Variants in VDAC1 observed in about 807,000 individuals in gnomAD.
VDAC1 encodes voltage dependent anion channel 1, also known as non-selective voltage-gated ion channel VDAC1.
A neutral mutation model predicts 34.7 loss-of-function variants in VDAC1; 10 were observed. The ratio of observed to expected loss-of-function variants is 0.29; its 90% confidence interval spans 0.18 to 0.49. The LOEUF (loss-of-function observed/expected upper bound fraction) is 0.49, where lower values mean the gene tolerates loss of function less well. VDAC1 is among the 20% of genes least tolerant of loss of function. The probability of loss-of-function intolerance (pLI) is 0.99; values close to 1 mark genes in which losing one functional copy is unlikely to be tolerated. For missense variants in VDAC1, 230 were observed against 347.9 expected (o/e 0.66, Z 2.69); for synonymous variants, 130 against 136.0 (o/e 0.96, Z 0.30).
At chr5:134,018,698 C>T in the VDAC1 span, among the ~76,000 whole-genome samples, 1 of 152,156 alleles carries the variant, frequency 6.6e-6, no homozygotes, top group Non-Finnish European at 1.5e-5. Flanking sequence ...AGGCTGGCCA[C>T]ACCAGATAAA....
At chr5:133,995,759 T>G (rs1482272072) in intron 1 of VDAC1, among the ~76,000 whole-genome samples, 1 of 152,180 alleles carries the variant, frequency 6.6e-6, no homozygotes, top group African/African-American at 2.4e-5. Context: ...TGCCCATTTT[T>G]ACACAGCTCT....
chr5:134,039,389 C>T, the VDAC1 span, among the ~76,000 whole-genome samples: 20 of 152,110 alleles, frequency 1.3e-4, no homozygotes, highest in South Asian at 2.1e-4. Context: ...AGTGCAGTGG[C>T]GCAATCTCGG....
chr5:134,055,593 T>TGTTTTTTTTTTGTTTTTG, the VDAC1 span, among the ~76,000 whole-genome samples: 15 of 34,008 alleles, frequency 4.4e-4, no homozygotes, highest in African/African-American at 1.2e-3. Context: ...CTAATGTTTT[T>TGTTTTTTTTTTGTTTTTG]TTTTTTTTTT....
At chr5:134,110,280 T>C in the VDAC1 span, among the ~76,000 whole-genome samples, 209 of 152,292 alleles carry the variant, frequency 1.4e-3, 1 homozygote, top group East Asian at 0.023. Flanking sequence ...CAATTCTTGG[T>C]TATTGTATGA....
At chr5:134,047,341 C>T in the VDAC1 span, among the ~76,000 whole-genome samples, 1 of 152,212 alleles carries the variant, frequency 6.6e-6, no homozygotes, top group Admixed American at 6.5e-5. Flanking sequence ...CACAGAGAGG[C>T]CACAGAGAGG....
At chr5:133,986,213 A>G (rs568625633) in intron 5 of VDAC1, among the ~76,000 whole-genome samples, 3 of 152,254 alleles carry the variant, frequency 2.0e-5, no homozygotes, top group Admixed American at 2.0e-4. Context: ...GCTGGTCCTT[A>G]TTGAGGTCTG....
the VDAC1 span, among the ~76,000 whole-genome samples, chr5:134,019,542 T>G: frequency 6.6e-6 from 1 of 152,166 alleles, no homozygotes; most frequent in Non-Finnish European, 1.5e-5. Flanking sequence ...ATCGTACCAC[T>G]GTGATGCAGC....
the VDAC1 span, among the ~76,000 whole-genome samples, chr5:134,103,848 C>T: frequency 1.3e-5 from 2 of 152,204 alleles, no homozygotes; most frequent in East Asian, 1.9e-4. Flanking sequence ...TCTGTCCCTC[C>T]CCAGTTTGAG....
chr5:134,032,955 C>A, the VDAC1 span, among the ~76,000 whole-genome samples: 1 of 151,682 alleles, frequency 6.6e-6, no homozygotes, highest in African/African-American at 2.4e-5. Flanking sequence ...ATTGCTTGAG[C>A]CCAGAAAGTC....
chr5:134,067,081 CTT>C, the VDAC1 span, among the ~76,000 whole-genome samples: 9 of 136,698 alleles, frequency 6.6e-5, no homozygotes, highest in Non-Finnish European at 4.8e-5. Flanking sequence ...ATCAAAAGTT[CTT>C]TTTTTTTTTT....
At chr5:134,093,994 C>A in the VDAC1 span, among the ~76,000 whole-genome samples, 1 of 152,222 alleles carries the variant, frequency 6.6e-6, no homozygotes, top group African/African-American at 2.4e-5. Context: ...TGTTACTTTC[C>A]TGCAATCTGT....
At chr5:133,981,758 A>T (rs1344866498) in intron 5 of VDAC1, among the ~76,000 whole-genome samples, 1 of 152,242 alleles carries the variant, frequency 6.6e-6, no homozygotes, top group Non-Finnish European at 1.5e-5. Flanking sequence ...CTGGAGAACA[A>T]GATCACATCC....
chr5:133,989,301 C>A (rs538252512), intron 5 of VDAC1: 1 of 151,560 alleles, frequency 6.6e-6, no homozygotes, highest in Admixed American at 6.6e-5. Context: ...CTGAAAAATT[C>A]ATAGTGCCAT....
At chr5:133,990,826 C>T in intron 5 of VDAC1, 29 bp downstream of exon 5, 2 of 1,524,184 alleles carry the variant, frequency 1.3e-6, no homozygotes, top group Non-Finnish European at 1.8e-6. Flanking sequence ...AGAGAACATC[C>T]TTGTGGAGAA....
intron 1 of VDAC1, among the ~76,000 whole-genome samples, chr5:133,994,459 G>A (rs1362865379): frequency 6.6e-6 from 1 of 152,136 alleles, no homozygotes; most frequent in Non-Finnish European, 1.5e-5. Context: ...ACCATGGACA[G>A]GTCAGCCCAC....
chr5:134,046,342 T>G, the VDAC1 span, among the ~76,000 whole-genome samples: 6 of 151,962 alleles, frequency 3.9e-5, no homozygotes, highest in African/African-American at 1.4e-4. Flanking sequence ...CATTTTAATT[T>G]TTTAAAAAAA....
At chr5:134,058,316 T>C in the VDAC1 span, among the ~76,000 whole-genome samples, 1 of 151,356 alleles carries the variant, frequency 6.6e-6, no homozygotes, top group Non-Finnish European at 1.5e-5. Context: ...TGACTTTTGT[T>C]TTTTGTTTTT....
chr5:134,036,114 T>C, the VDAC1 span, among the ~76,000 whole-genome samples: 1,000 of 151,070 alleles, frequency 6.6e-3, 8 homozygotes, highest in African/African-American at 0.022. Context: ...TGACAAGAAA[T>C]ATAATATTTG....
At chr5:133,979,424 C>CTTTTTTTTTTTTTTT (rs71581380) in intron 6 of VDAC1, among the ~76,000 whole-genome samples, 2 of 80,992 alleles carry the variant, frequency 2.5e-5, no homozygotes, top group Non-Finnish European at 4.2e-5. Context: ...ATTTTCTTTG[C>CTTTTTTTTTTTTTTT]TTTTTTTTTT....
Sources: allele counts gnomAD v4.1 joint callset (sites outside exome capture counted in the v4.1 genomes callset), GRCh38; gene constraint gnomAD v4.1.1; transcripts MANE v1.5; gene names NCBI Gene and HGNC (gene_info 2026-07-23, HGNC 2026-07-21).